Variants in NME7 observed in about 807,000 individuals in gnomAD.
NME7 encodes NME/NM23 family member 7.
In NME7, 41 loss-of-function variants were observed where a neutral mutation model predicts 49.1. The ratio of observed to expected loss-of-function variants is 0.83; its 90% confidence interval spans 0.65 to 1.08. The LOEUF (loss-of-function observed/expected upper bound fraction) is 1.08, where lower values mean the gene tolerates loss of function less well. Among genes scored for constraint, NME7 ranks in the 50% least tolerant of loss-of-function variants. The probability of loss-of-function intolerance (pLI) is 0.00; values close to 1 mark genes in which losing one functional copy is unlikely to be tolerated. For synonymous variants in NME7, 139 were observed against 150.6 expected (o/e 0.92, Z 0.56); for missense variants, 423 against 463.4 (o/e 0.91, Z 0.80).
chr1:169,258,255 T>A lies in NME7; in HGVS notation c.755-20568A>T, dbSNP rs1044513756. On this transcript the variant is annotated intron_variant, in intron 7 of 11. Coordinates refer to ENST00000367811, the MANE Select transcript of NME7 (RefSeq NM_013330.5). Reference sequence around the variant, plus strand: ...TGCTTGGGAGGCTGAGGTGGAAGGATCACTTGACTGCAGGAGGTTGTGGTT... The same window carrying A: ...TGCTTGGGAGGCTGAGGTGGAAGGAACACTTGACTGCAGGAGGTTGTGGTT... Among the ~76,000 whole-genome samples the A allele has an allele frequency of 2.5e-4, 32 of 126,044 alleles. 2 individuals are homozygous for A. Among genetic ancestry groups the A allele is most frequent in the African/African-American group, 7.9e-4 (30 of 37,742 alleles). The allele number at this position is 126,044 out of a possible 152,430, so 82.7% of individuals were successfully genotyped here. A position where few individuals can be genotyped will look rare whatever the true frequency, so the allele number is the denominator to read the frequency against.
intron 7 of NME7, among the ~76,000 whole-genome samples, chr1:169,263,538 T>C (rs1448375806): frequency 7.5e-6 from 1 of 132,986 alleles, no homozygotes; most frequent in Non-Finnish European, 1.8e-5. Context: ...TCTGAAATAA[T>C]ACAGTCAGAC....
At chr1:169,254,310 G>A (rs1365373444) in intron 7 of NME7, among the ~76,000 whole-genome samples, 1 of 152,060 alleles carries the variant, frequency 6.6e-6, no homozygotes, top group Non-Finnish European at 1.5e-5. Flanking sequence ...ATGTGTCGAG[G>A]AATTTATCCA....
At chr1:169,316,234 T>C in intron 3 of NME7, among the ~76,000 whole-genome samples, 1 of 151,936 alleles carries the variant, frequency 6.6e-6, no homozygotes, top group East Asian at 1.9e-4. Context: ...AAAAACTGAA[T>C]GTCCAAAAAC....
At chr1:169,330,955 C>T (rs867434187) in intron 1 of NME7, among the ~76,000 whole-genome samples, 22 of 151,984 alleles carry the variant, frequency 1.4e-4, no homozygotes, top group African/African-American at 3.4e-4. Flanking sequence ...ACTCATTCTA[C>T]GAGGCCAGTA....
chr1:169,343,493 CTT>C (rs548933130), intron 1 of NME7, among the ~76,000 whole-genome samples: 24 of 140,350 alleles, frequency 1.7e-4, no homozygotes, highest in Admixed American at 1.4e-4. Flanking sequence ...TACATTGTCT[CTT>C]TTTTTTTTTT....
chr1:169,192,243 C>A (rs1660251698), intron 10 of NME7, among the ~76,000 whole-genome samples: 1 of 152,090 alleles, frequency 6.6e-6, no homozygotes, highest in Admixed American at 6.6e-5. Flanking sequence ...AAGATTGGGG[C>A]AGCTGGAGAC....
rs1208396642 is a variant in NME7, at chr1:169,256,092, T to G, written c.755-18405A>C. Among the ~76,000 whole-genome samples, 3 of 133,178 alleles carry G rather than the reference T, an allele frequency of 2.3e-5. 1 individual carries two copies. Among genetic ancestry groups the G allele is most frequent in the Non-Finnish European group, 3.5e-5 (2 of 56,774 alleles). The allele number at this position is 133,178 out of a possible 152,430, so 87.4% of individuals were successfully genotyped here. On this transcript the variant is annotated intron_variant, in intron 7 of 11. Transcript: ENST00000367811. ...TCTTTGTGGCATTCTCTGTATTTCC[T>G]GAATCTGAATGTTGGCCTGCCTTGC...
chr1:169,223,685 A>G (rs1264004984), intron 10 of NME7, among the ~76,000 whole-genome samples: 1 of 152,082 alleles, frequency 6.6e-6, no homozygotes, highest in Non-Finnish European at 1.5e-5. Context: ...GAGGATCTTC[A>G]TTTCGTAGAG....
At chr1:169,296,004 CTAAT>C (rs1650692596) in intron 6 of NME7, among the ~76,000 whole-genome samples, 1 of 152,050 alleles carries the variant, frequency 6.6e-6, no homozygotes, top group South Asian at 2.1e-4. Context: ...TTCCTTTTGC[CTAAT>C]TAATGAAATT....
At chr1:169,186,139 A>G (rs2101755281) in intron 10 of NME7, among the ~76,000 whole-genome samples, 1 of 152,268 alleles carries the variant, frequency 6.6e-6, no homozygotes, top group East Asian at 1.9e-4. Flanking sequence ...CAGAATTTAC[A>G]TTGGGGAATT....
chr1:169,145,016 A>G (rs1175168764), intron 11 of NME7, among the ~76,000 whole-genome samples: 1 of 152,220 alleles, frequency 6.6e-6, no homozygotes, highest in Non-Finnish European at 1.5e-5. Flanking sequence ...AAAGATTCAA[A>G]GCTATGCTGT....
chr1:169,276,704 T>A (rs1464710061), intron 7 of NME7, among the ~76,000 whole-genome samples: 1 of 133,372 alleles, frequency 7.5e-6, no homozygotes, highest in Non-Finnish European at 1.8e-5. Context: ...TGCTCTGATC[T>A]TAGTTATTTC....
At chr1:169,342,712 G>A (rs1652785145) in intron 1 of NME7, among the ~76,000 whole-genome samples, 5 of 28,208 alleles carry the variant, frequency 1.8e-4, no homozygotes, top group Non-Finnish European at 2.8e-4. Flanking sequence ...ATATATACAA[G>A]TACATATATA....
intron 1 of NME7, among the ~76,000 whole-genome samples, chr1:169,342,667 GTATATATA>G (rs573093140): frequency 7.9e-5 from 2 of 25,354 alleles, no homozygotes; most frequent in African/African-American, 4.4e-4. Context: ...TATATATATA[GTATATATA>G]TATACAAGTA....
chr1:169,228,195 T>C (rs72700019), intron 10 of NME7, among the ~76,000 whole-genome samples: 57,285 of 151,794 alleles, frequency 0.38, 11,522 homozygotes, highest in East Asian at 0.79. Context: ...AGGTGTGTGC[T>C]ACCATGCCCA....
At chr1:169,295,726 C>T (rs2101903627) in intron 6 of NME7, among the ~76,000 whole-genome samples, 1 of 152,304 alleles carries the variant, frequency 6.6e-6, no homozygotes, top group Admixed American at 6.5e-5. Flanking sequence ...TGGCCATGAA[C>T]ACTACATGGG....
At chr1:169,239,623 C>A (rs1647998683) in intron 7 of NME7, among the ~76,000 whole-genome samples, 1 of 151,894 alleles carries the variant, frequency 6.6e-6, no homozygotes, top group African/African-American at 2.4e-5. Context: ...AAAATAAACT[C>A]CCTGCACAAA....
chr1:169,318,191 A>G (rs1275309488), intron 3 of NME7, among the ~76,000 whole-genome samples: 1 of 152,168 alleles, frequency 6.6e-6, no homozygotes, highest in East Asian at 1.9e-4. Flanking sequence ...AGTGTAAGGG[A>G]TAGAGGAAAT....
At chr1:169,363,634 C>T (rs988378406) in intron 1 of NME7, among the ~76,000 whole-genome samples, 1 of 152,190 alleles carries the variant, frequency 6.6e-6, no homozygotes, top group African/African-American at 2.4e-5. Flanking sequence ...ACCATCCCAC[C>T]ACCCAGTTTC....
Sources: gnomAD v4.1 joint callset for allele counts (sites outside exome capture counted in the v4.1 genomes callset) on GRCh38, gnomAD v4.1.1 for gene constraint, MANE v1.5 for transcripts, NCBI Gene and HGNC (gene_info 2026-07-23, HGNC 2026-07-21) for gene names.